CCAR1: variants seen among roughly 807,000 people sequenced by gnomAD.
The protein encoded by CCAR1 is cell division cycle and apoptosis regulator protein 1.
A neutral mutation model predicts 163.8 loss-of-function variants in CCAR1; 78 were observed. The ratio of observed to expected loss-of-function variants is 0.48; its 90% CI spans 0.40 to 0.57. The LOEUF (loss-of-function observed/expected upper bound fraction) is 0.57. Among genes scored for constraint, CCAR1 ranks in the 20% least tolerant of loss-of-function variants. The pLI, the probability that CCAR1 is intolerant of heterozygous loss-of-function variation, is 0.00. For synonymous variants in CCAR1, 443 were observed against 460.7 expected (o/e 0.96, Z 0.49); for missense variants, 1,019 against 1,365.2 (o/e 0.75, Z 4.00).
chr10:68,733,459 C>T (rs538231897), intron 2 of CCAR1, among the ~76,000 whole-genome samples: 1 of 150,506 alleles, frequency 6.6e-6, no homozygotes, highest in Non-Finnish European at 1.5e-5. Context: ...TAATGATTAG[C>T]ACTGTGTATT....
chr10:68,769,489 G>A (rs1332251813), intron 17 of CCAR1, among the ~76,000 whole-genome samples: 5 of 151,622 alleles, frequency 3.3e-5, no homozygotes, highest in Non-Finnish European at 5.9e-5. Context: ...GCGTGGTGGC[G>A]CGTACGTGTA....
chr10:68,733,374 G>C (rs6480360), intron 2 of CCAR1, among the ~76,000 whole-genome samples: 11,507 of 152,200 alleles, frequency 0.076, 1,243 homozygotes, highest in African/African-American at 0.24. Flanking sequence ...TTCTGCCGCT[G>C]CACTTGAGCC....
chr10:68,776,282 G>C (rs1229423409), intron 19 of CCAR1, among the ~76,000 whole-genome samples: 1 of 150,438 alleles, frequency 6.6e-6, no homozygotes, highest in East Asian at 2.0e-4. Context: ...GATAGGGTTG[G>C]ACTGGGCACA....
At position 68,744,916 on chromosome 10, in the gene CCAR1, T is replaced by G. The variant is rs73264545; in HGVS notation, c.519-2245T>G. On this transcript the variant is annotated intron_variant, in intron 6 of 24. Transcript: ENST00000265872. ...GTGCAGTGTTGCGATCATAGTGAAC[T>G]GCAAAGTTGAACACCTGGACCCAGC... 5.5e-3 allele frequency among the ~76,000 whole-genome samples: 831 copies of G among 151,970 alleles called. 6 individuals carry two copies. Among genetic ancestry groups the G allele is most frequent in the African/African-American group, 0.019 (790 of 41,452 alleles).
At chr10:68,774,320 C>T (rs141847890) in intron 19 of CCAR1, among the ~76,000 whole-genome samples, 4 of 152,108 alleles carry the variant, frequency 2.6e-5, no homozygotes, top group Admixed American at 6.6e-5. Flanking sequence ...GAGCTACATA[C>T]GTGTTCTAAA....
At chr10:68,722,833 A>G (rs1264688573) in intron 2 of CCAR1, among the ~76,000 whole-genome samples, 1 of 152,044 alleles carries the variant, frequency 6.6e-6, no homozygotes, top group Non-Finnish European at 1.5e-5. Flanking sequence ...GAGGCAGGAG[A>G]ATCCCTTGAA....
chr10:68,764,245 C>G (rs1034946801), intron 16 of CCAR1, among the ~76,000 whole-genome samples: 30 of 152,142 alleles, frequency 2.0e-4, no homozygotes, highest in South Asian at 1.2e-3. Flanking sequence ...AGCAGCTCAT[C>G]ATCACTGGGC....
intron 24 of CCAR1, 62 bp from the exon 25 acceptor site, chr10:68,791,145 A>C (rs2056847899): frequency 2.0e-6 from 2 of 1,004,908 alleles, no homozygotes; most frequent in Non-Finnish European, 3.0e-6. Context: ...GTACTCTAAA[A>C]TCAAAGTAAC....
At chr10:68,729,319 G>T (rs1281564078) in intron 2 of CCAR1, among the ~76,000 whole-genome samples, 1 of 150,766 alleles carries the variant, frequency 6.6e-6, no homozygotes, top group Non-Finnish European at 1.5e-5. Flanking sequence ...GCCCATGCTG[G>T]AGTGCAGTGG....
Position 68,788,346 on chromosome 10 carries a change from A to C in CCAR1, c.3187+18A>C. The C allele has an allele frequency of 6.5e-7, 1 of 1,528,886 alleles. No individual in the cohort carries two copies. The highest frequency in any genetic ancestry group is 8.7e-7 in the Non-Finnish European group (1 of 1,144,102). 94.7% of individuals were successfully genotyped at this position (1,528,886 alleles called of 1,614,324 possible). On this transcript the variant is annotated intron_variant, in intron 23 of 24. Transcript: ENST00000265872. ...AAAAACAGGTAAGGGTCAGCTTTGA[A>C]TATGTTAATACTTTCAGCACCCTGC...
At chr10:68,761,926 A>G (rs2056476535) in intron 16 of CCAR1, among the ~76,000 whole-genome samples, 1 of 152,124 alleles carries the variant, frequency 6.6e-6, no homozygotes, top group Non-Finnish European at 1.5e-5. Context: ...ATTAAGGTGC[A>G]ATTTACTTAT....
At chr10:68,762,734 A>C (rs1246988563) in intron 16 of CCAR1, among the ~76,000 whole-genome samples, 1 of 152,164 alleles carries the variant, frequency 6.6e-6, no homozygotes, top group Non-Finnish European at 1.5e-5. Context: ...AGAATGTGAA[A>C]TTTTCTTTTT....
Position 68,742,489 on chromosome 10 carries a change from G to T in CCAR1, c.438G>T (p.Lys146Asn). The change falls in exon 6 of 25, where the codon AAG (lysine) becomes AAT (asparagine). Residue 146 changes from lysine (K) to asparagine (N), a missense_variant. Lys to Asn is a moderately conservative substitution (Grantham distance 94). Transcript: ENST00000265872. ...GTCAACAGCAAACCCAGCCTCAGAA[G>T]CAGCGTGTTTTCACAGGGGTGGTTA... ...RSSQQQTQPQ[K>N]QRVFTGVVTK... The T allele has an allele frequency of 6.2e-7, 1 of 1,614,130 alleles. No homozygotes were observed. The highest frequency in any genetic ancestry group is 8.5e-7 in the Non-Finnish European group (1 of 1,179,994).
chr10:68,727,981 G>A (rs770457036), intron 2 of CCAR1, among the ~76,000 whole-genome samples: 1 of 152,002 alleles, frequency 6.6e-6, no homozygotes, highest in Non-Finnish European at 1.5e-5. Context: ...TGGGGCTATA[G>A]GCTTGCTACC....
intron 6 of CCAR1, among the ~76,000 whole-genome samples, chr10:68,744,048 C>T (rs531048283): frequency 2.0e-5 from 3 of 152,192 alleles, no homozygotes; most frequent in South Asian, 2.1e-4. Flanking sequence ...TATACCTGGC[C>T]AGTTTTTGTA....
rs771341047 is a variant in CCAR1, at chr10:68,722,500, G to A, written c.-5G>A. ...ACAAGGGAAGGTTTTTTTTCCTTTT[G>A]CATCATGGCTCAATTTGGAGGACAG... On this transcript the variant is annotated 5_prime_UTR_variant, in exon 2 of 25. Transcript: ENST00000265872. 5.0e-6 allele frequency: 8 copies of A among 1,611,952 alleles called. No individual in the cohort carries two copies. In the Admixed American group the frequency reaches 1.3e-4, roughly 27 times the overall value.
At chr10:68,721,929 C>G (rs374580236) in intron 1 of CCAR1, among the ~76,000 whole-genome samples, 2 of 152,196 alleles carry the variant, frequency 1.3e-5, no homozygotes, top group East Asian at 3.9e-4. Context: ...CCTTCGAGGT[C>G]GGGGTTGGAA....
chr10:68,773,959 C>G (rs2056632817), intron 19 of CCAR1, among the ~76,000 whole-genome samples: 1 of 150,778 alleles, frequency 6.6e-6, no homozygotes, highest in Non-Finnish European at 1.5e-5. Flanking sequence ...ATGGCATTAT[C>G]TCAGCTCACC....
intron 2 of CCAR1, among the ~76,000 whole-genome samples, chr10:68,732,243 C>A (rs1253505579): frequency 1.3e-5 from 2 of 152,096 alleles, no homozygotes; most frequent in Non-Finnish European, 2.9e-5. Context: ...TATTAACATG[C>A]CAATTCAGAT....
Sources: gnomAD v4.1 joint callset for allele counts (sites outside exome capture counted in the v4.1 genomes callset) on GRCh38, gnomAD v4.1.1 for gene constraint, MANE v1.5 for transcripts, NCBI Gene and HGNC (gene_info 2026-07-23, HGNC 2026-07-21) for gene names.